Variants in ATF7IP observed in about 807,000 individuals in gnomAD.
ATF7IP encodes the protein activating transcription factor 7 interacting protein.
In ATF7IP, 23 loss-of-function variants were observed where a neutral mutation model predicts 106.4. The ratio of observed to expected loss-of-function variants is 0.22; its 90% confidence interval spans 0.16 to 0.31. The LOEUF is 0.31. Among genes scored for constraint, ATF7IP ranks in the 10% least tolerant of loss-of-function variants. The probability of loss-of-function intolerance (pLI) is 1.00; values close to 1 mark genes in which losing one functional copy is unlikely to be tolerated. For synonymous variants in ATF7IP, 542 were observed against 539.0 expected (o/e 1.01, Z -0.08); for missense variants, 1,334 against 1,524.3 (o/e 0.88, Z 2.08).
intron 1 of ATF7IP, among the ~76,000 whole-genome samples, chr12:14,386,368 C>G (rs1056058742): frequency 6.6e-6 from 1 of 152,074 alleles, no homozygotes; most frequent in Non-Finnish European, 1.5e-5. Flanking sequence ...ATACTTTAAG[C>G]AGCAATACTT....
In ATF7IP at chr12:14,499,987, T is replaced by C. The variant is rs1399183347; in HGVS notation, c.*1914T>C. The C allele has an allele frequency of 6.6e-6, 1 of 152,176 alleles. No individual in the cohort carries two copies. The highest frequency in any genetic ancestry group is 2.1e-4 in the South Asian group (1 of 4,832). The allele number at this position is 152,176 out of a possible 1,614,324, so 9.4% of individuals were successfully genotyped here. A position where few individuals can be genotyped will look rare whatever the true frequency, so the allele number is the denominator to read the frequency against. The stretch of plus-strand genomic sequence containing the variant: ...GCTGTACTGGTGTCAGGTAGGTGTT[T>C]TGGGTGTAGATAATTTAGGACTGGA... On this transcript the variant is annotated 3_prime_UTR_variant, in exon 15 of 15. Coordinates refer to ENST00000261168, the MANE Select transcript of ATF7IP (RefSeq NM_018179.5).
chr12:14,371,264 G>A (rs923755175), intron 1 of ATF7IP, among the ~76,000 whole-genome samples: 3 of 151,778 alleles, frequency 2.0e-5, no homozygotes, highest in Non-Finnish European at 4.4e-5. Context: ...AAGAAATCAC[G>A]GAAATATAGA....
intron 1 of ATF7IP, among the ~76,000 whole-genome samples, chr12:14,396,480 C>CT (rs1183347256): frequency 4.0e-5 from 6 of 151,492 alleles, no homozygotes; most frequent in African/African-American, 1.2e-4. Flanking sequence ...AGAAACGTAA[C>CT]TTTTTTGTGT....
At chr12:14,374,898 T>C (rs2136399321) in intron 1 of ATF7IP, among the ~76,000 whole-genome samples, 1 of 152,298 alleles carries the variant, frequency 6.6e-6, no homozygotes, top group Admixed American at 6.5e-5. Context: ...CTTTCCACTT[T>C]TATATTTATA....
chr12:14,481,451 C>T, intron 13 of ATF7IP: 2 of 375,310 alleles, frequency 5.3e-6, no homozygotes, highest in South Asian at 4.9e-5. Flanking sequence ...TGAGATCATG[C>T]ATATGTCAGC....
intron 11 of ATF7IP, among the ~76,000 whole-genome samples, 197 bp from the exon 12 acceptor site, chr12:14,478,120 C>A (rs1222126955): frequency 1.3e-5 from 2 of 152,242 alleles, no homozygotes; most frequent in East Asian, 3.9e-4. Context: ...GATAGAACCA[C>A]CAGCAAATTA....
chr12:14,418,239 T>C (rs1029973830), intron 1 of ATF7IP, among the ~76,000 whole-genome samples: 2 of 152,180 alleles, frequency 1.3e-5, no homozygotes, highest in Non-Finnish European at 2.9e-5. Flanking sequence ...ATTAGTGATA[T>C]TATTTTCCCA....
At chr12:14,377,923 T>C (rs756857019) in intron 1 of ATF7IP, among the ~76,000 whole-genome samples, 13 of 151,196 alleles carry the variant, frequency 8.6e-5, no homozygotes, top group Non-Finnish European at 1.8e-4. Context: ...CCACCGTGCC[T>C]GGTCTGACTT....
intron 1 of ATF7IP, among the ~76,000 whole-genome samples, chr12:14,379,103 G>T (rs574116650): frequency 6.6e-6 from 1 of 152,136 alleles, no homozygotes; most frequent in Non-Finnish European, 1.5e-5. Context: ...GTGGGGCCTC[G>T]TGGGAGATAA....
At chr12:14,478,597 C>G (rs546077812) in intron 12 of ATF7IP, 125 bp downstream of exon 12, 6 of 1,093,538 alleles carry the variant, frequency 5.5e-6, no homozygotes, top group Non-Finnish European at 7.8e-6. Flanking sequence ...GACTACAGTG[C>G]ATGTCCTTTT....
At chr12:14,450,180 G>C (rs1943144507) in intron 6 of ATF7IP, among the ~76,000 whole-genome samples, 1 of 151,986 alleles carries the variant, frequency 6.6e-6, no homozygotes, top group Admixed American at 6.6e-5. Flanking sequence ...ATAATTGTTT[G>C]GTTTAGAATT....
chr12:14,426,509 T>A (rs1433363071), intron 2 of ATF7IP, among the ~76,000 whole-genome samples: 2 of 151,604 alleles, frequency 1.3e-5, no homozygotes, highest in African/African-American at 4.8e-5. Flanking sequence ...GGTAGAGATT[T>A]TTTTCTTATT....
chr12:14,433,378 G>A (rs1942236112), intron 2 of ATF7IP, among the ~76,000 whole-genome samples: 7 of 152,144 alleles, frequency 4.6e-5, no homozygotes, highest in Admixed American at 3.9e-4. Context: ...GGTGGCAGGT[G>A]CCTGTAGTCC....
intron 10 of ATF7IP, among the ~76,000 whole-genome samples, chr12:14,467,859 G>C (rs1352461927): frequency 6.6e-6 from 1 of 151,776 alleles, no homozygotes; most frequent in Non-Finnish European, 1.5e-5. Flanking sequence ...CCATTTCAAG[G>C]TTCAGTAGCT....
chr12:14,497,863 C>T lies in ATF7IP; in HGVS notation c.3603C>T (p.Tyr1201=). 2 of 1,614,122 alleles carry T rather than the reference C, an allele frequency of 1.2e-6. No individual in the cohort carries two copies. Among genetic ancestry groups the T allele is most frequent in the Non-Finnish European group, 1.7e-6 (2 of 1,180,006 alleles). ...ATVDSYHLYA[Y]HEEPSATVPS... is the part of the protein sequence containing the mutation. ...TTGATAGCTACCATCTCTATGCTTA[C>T]CATGAGGAACCCAGTGCCACTGTGC... The change falls in exon 15 of 15, where the codon TAC becomes TAT. Residue 1201 remains tyrosine, a synonymous_variant. Coordinates refer to ENST00000261168, the MANE Select transcript of ATF7IP (RefSeq NM_018179.5).
At chr12:14,426,904 GC>G (rs1941882518) in intron 2 of ATF7IP, among the ~76,000 whole-genome samples, 1 of 149,244 alleles carries the variant, frequency 6.7e-6, no homozygotes, top group Non-Finnish European at 1.5e-5. Flanking sequence ...AAAGAGACAG[GC>G]CAGGCCCTTC....
intron 11 of ATF7IP, among the ~76,000 whole-genome samples, chr12:14,477,340 T>C (rs1457320603): frequency 6.6e-6 from 1 of 152,220 alleles, no homozygotes; most frequent in African/African-American, 2.4e-5. Flanking sequence ...CGGGTTGAAC[T>C]CAAGCCAGTA....
intron 5 of ATF7IP, among the ~76,000 whole-genome samples, chr12:14,445,899 C>G (rs747025182): frequency 5.3e-5 from 8 of 151,978 alleles, no homozygotes; most frequent in African/African-American, 1.9e-4. Context: ...GCTTCAGCAG[C>G]AACAGCAACA....
chr12:14,377,514 C>T (rs1467131349), intron 1 of ATF7IP, among the ~76,000 whole-genome samples: 1 of 151,510 alleles, frequency 6.6e-6, no homozygotes, highest in Non-Finnish European at 1.5e-5. Flanking sequence ...AGCCACCATG[C>T]CCGGCTAATT....
Sources: gnomAD v4.1 joint callset for allele counts (sites outside exome capture counted in the v4.1 genomes callset) on GRCh38, gnomAD v4.1.1 for gene constraint, MANE v1.5 for transcripts, NCBI Gene and HGNC (gene_info 2026-07-23, HGNC 2026-07-21) for gene names.